The following NEDD9 variants were observed in gnomAD, a reference collection of about 807,000 sequenced individuals.
NEDD9 encodes the protein enhancer of filamentation 1.
Under a neutral mutation model 76.6 loss-of-function variants are expected in NEDD9, and 26 were observed. That is an observed-to-expected ratio of 0.34 (90% CI 0.25 to 0.47). The LOEUF is 0.47. NEDD9 is among the 20% of genes least tolerant of loss of function. The pLI is 1.00. For missense variants in NEDD9, 937 were observed against 1,058.5 expected, an observed-to-expected ratio of 0.89 and a Z score of 1.59; for synonymous variants, 392 against 414.2, an observed-to-expected ratio of 0.95 and a Z score of 0.65.
At chr6:11,275,640 C>T (rs1377239417) in intron 3 of NEDD9, among the ~76,000 whole-genome samples, 1 of 152,074 alleles carries the variant, frequency 6.6e-6, no homozygotes, top group Non-Finnish European at 1.5e-5. Context: ...AGCAAGGAGG[C>T]CGACATGCCC....
chr6:11,226,245 T>C (rs1357802707), intron 1 of NEDD9, among the ~76,000 whole-genome samples: 2 of 152,184 alleles, frequency 1.3e-5, no homozygotes, highest in African/African-American at 4.8e-5. Context: ...GTTGGCAAAG[T>C]ATAAACAGGG....
intron 3 of NEDD9, among the ~76,000 whole-genome samples, chr6:11,244,528 G>A (rs553983043): frequency 1.3e-5 from 2 of 152,040 alleles, no homozygotes; most frequent in African/African-American, 4.8e-5. Flanking sequence ...GACATAAATC[G>A]CCTCCTTTTC....
At chr6:11,324,056 C>T (rs140759285) in intron 2 of NEDD9, among the ~76,000 whole-genome samples, 1 of 152,190 alleles carries the variant, frequency 6.6e-6, no homozygotes, top group African/African-American at 2.4e-5. Flanking sequence ...ATGAAACGAA[C>T]CTCACAGCCC....
chr6:11,193,681 G>A lies in NEDD9; in HGVS notation c.471C>T (p.Pro157=), dbSNP rs560578781. The part of the protein sequence containing the change: ...GPHVGKKVIT[P]VRTGHGYVYE... ...ATACGTAGCCATGGCCTGTCCTCAC[G>A]GGGGTTATCACCTGTGGGAGAGAAG... The change falls in exon 3 of 7, where the codon CCC becomes CCT. Residue 157 remains proline (P), a synonymous_variant. Transcript: ENST00000379446. 1.9e-5 allele frequency: 31 copies of A among 1,612,910 alleles called. No homozygotes were observed. The highest frequency in any genetic ancestry group is 1.6e-4 in the South Asian group (15 of 91,026).
At chr6:11,374,325 G>A (rs915573996) in intron 1 of NEDD9, among the ~76,000 whole-genome samples, 8 of 152,120 alleles carry the variant, frequency 5.3e-5, no homozygotes, top group African/African-American at 1.4e-4. Flanking sequence ...ATGTTTCGAC[G>A]ATTATATGAT....
At chr6:11,324,035 C>T (rs868195343) in intron 2 of NEDD9, among the ~76,000 whole-genome samples, 3 of 152,216 alleles carry the variant, frequency 2.0e-5, no homozygotes, top group Non-Finnish European at 2.9e-5. Context: ...TGAGGAGCCA[C>T]GTCCAGACAC....
intron 1 of NEDD9, among the ~76,000 whole-genome samples, chr6:11,358,025 G>T (rs927617685): frequency 1.2e-4 from 19 of 152,046 alleles, no homozygotes; most frequent in African/African-American, 4.1e-4. Flanking sequence ...CAAGGCGGGC[G>T]GATCACGAGG....
exon 2 of NEDD9, chr6:11,334,555 A>T (rs1762111588): frequency 1.3e-5 from 2 of 152,114 alleles, no homozygotes; most frequent in South Asian, 4.1e-4. Flanking sequence ...CCCATTATTC[A>T]TTCTCTCTGA....
chr6:11,192,167 G>C (rs1758160876), intron 4 of NEDD9, among the ~76,000 whole-genome samples, 178 bp downstream of exon 4: 1 of 152,070 alleles, frequency 6.6e-6, no homozygotes. Context: ...TCTTTAATTA[G>C]TGCCTTTCCT....
chr6:11,228,100 TG>T (rs200484658), intron 1 of NEDD9, among the ~76,000 whole-genome samples: 1,494 of 11,502 alleles, frequency 0.13, 43 homozygotes, highest in African/African-American at 0.31. Context: ...TAGGTGCGGG[TG>T]GGGGGCTGGG....
In NEDD9 at chr6:11,232,429, A is replaced by G. The variant is rs1581974177; in HGVS notation, c.12+75T>C. The G allele has an allele frequency of 7.0e-6, 11 of 1,565,548 alleles. No individual in the cohort carries two copies. In the East Asian group the frequency reaches 2.0e-4, roughly 29 times the overall value. ...ACACACAAGGGACTGACAGTAAGGA[A>G]CACGCATACACAAGCACACACCCGC... On this transcript the variant is annotated intron_variant, in intron 1 of 6. Coordinates refer to ENST00000379446, the MANE Select transcript of NEDD9 (RefSeq NM_006403.4).
At position 11,183,715 on chromosome 6, in the gene NEDD9, G is replaced by A. The variant is rs1004685631; in HGVS notation, c.*1447C>T. ...AATCCTTTTCTGTTCCAATGATTTG[G>A]TTGTTTAAAACAAGCAAGCTTAATT... On this transcript the variant is annotated 3_prime_UTR_variant, in exon 7 of 7. Coordinates refer to ENST00000379446, the MANE Select transcript of NEDD9 (RefSeq NM_006403.4). The A allele has an allele frequency of 2.0e-5, 3 of 151,964 alleles. No homozygotes were observed. Among genetic ancestry groups the A allele is most frequent in the African/African-American group, 7.3e-5 (3 of 41,352 alleles). The allele number at this position is 151,964 out of a possible 1,614,324, so 9.4% of individuals were successfully genotyped here. A position where few individuals can be genotyped will look rare whatever the true frequency, so the allele number is the denominator to read the frequency against.
At chr6:11,232,416 C>T (rs995632686) in intron 1 of NEDD9, 88 bp downstream of exon 1, 9 of 1,513,726 alleles carry the variant, frequency 5.9e-6, no homozygotes, top group Non-Finnish European at 8.3e-6. Context: ...ACACAAGGGA[C>T]TGACAGTAAG....
intron 1 of NEDD9, among the ~76,000 whole-genome samples, chr6:11,340,370 T>C (rs888416611): frequency 2.6e-5 from 4 of 152,190 alleles, no homozygotes; most frequent in African/African-American, 9.7e-5. Flanking sequence ...TCTCAGATAG[T>C]AATAGTTAAC....
intron 2 of NEDD9, among the ~76,000 whole-genome samples, chr6:11,310,079 G>A (rs1761321744): frequency 6.6e-6 from 1 of 152,180 alleles, no homozygotes; most frequent in Non-Finnish European, 1.5e-5. Flanking sequence ...AGCATGCTCT[G>A]AGCGTTGTGG....
intron 3 of NEDD9, among the ~76,000 whole-genome samples, chr6:11,285,879 A>G (rs919568081): frequency 1.3e-5 from 2 of 152,182 alleles, no homozygotes; most frequent in Non-Finnish European, 2.9e-5. Flanking sequence ...AGAAATAAAT[A>G]TAAAACCTAA....
At chr6:11,221,580 G>A (rs1436502321) in intron 1 of NEDD9, among the ~76,000 whole-genome samples, 3 of 152,084 alleles carry the variant, frequency 2.0e-5, no homozygotes, top group African/African-American at 7.2e-5. Context: ...CAGAGCCAGA[G>A]CTAGCATCTG....
chr6:11,338,085 C>T lies in NEDD9; in HGVS notation c.-213-3524G>A, dbSNP rs1461787887. The stretch of plus-strand genomic sequence containing the variant: ...ATGCTGAAGTCCTAAGCCCCAGTGC[C>T]TCAGAATGTCATCTTATCTGGAAAT... On this transcript the variant is annotated intron_variant, in intron 1 of 3. Coordinates refer to the NEDD9 transcript ENST00000397378. 2.0e-5 allele frequency among the ~76,000 whole-genome samples: 3 copies of T among 152,274 alleles called. No homozygotes were observed. The East Asian group carries it at 5.8e-4, about 29-fold the overall frequency.
At chr6:11,350,974 C>A (rs771868673) in intron 1 of NEDD9, among the ~76,000 whole-genome samples, 3 of 152,104 alleles carry the variant, frequency 2.0e-5, no homozygotes, top group Non-Finnish European at 4.4e-5. Context: ...GTAATGTGTA[C>A]AACTTGTTTT....
Sources: gnomAD v4.1 joint callset for allele counts (sites outside exome capture counted in the v4.1 genomes callset) on GRCh38, gnomAD v4.1.1 for gene constraint, MANE v1.5 for transcripts, NCBI Gene and HGNC (gene_info 2026-07-23, HGNC 2026-07-21) for gene names.